Variants in RAD51B observed in about 807,000 individuals in gnomAD.
RAD51B encodes RAD51 paralog B, also known as DNA repair protein RAD51 homolog 2.
RAD51B carries 38 observed loss-of-function variants against 42.2 expected under a neutral mutation model. That is an observed-to-expected ratio of 0.90 (90% CI 0.70 to 1.18). The LOEUF (loss-of-function observed/expected upper bound fraction) is 1.18, where lower values mean the gene tolerates loss of function less well. Ranked by LOEUF, RAD51B falls within the 50% of genes most tolerant of loss-of-function variation. The pLI is 0.00. For synonymous variants in RAD51B, 154 were observed against 145.2 expected, an observed-to-expected ratio of 1.06 and a Z score of -0.43; for missense variants, 373 against 400.7, an observed-to-expected ratio of 0.93 and a Z score of 0.59.
intron 7 of RAD51B, among the ~76,000 whole-genome samples, chr14:68,150,132 A>G (rs1445501122): frequency 6.6e-6 from 1 of 152,150 alleles, no homozygotes; most frequent in African/African-American, 2.4e-5. Context: ...TTAACAAGAG[A>G]CAGGGTTTCA....
intron 10 of RAD51B, among the ~76,000 whole-genome samples, chr14:68,587,278 A>G (rs1890535448): frequency 6.6e-6 from 1 of 152,188 alleles, no homozygotes. Flanking sequence ...CCTGAGCTCC[A>G]GCCTCTCCCA....
intron 7 of RAD51B, among the ~76,000 whole-genome samples, chr14:68,104,795 C>G (rs1566648697): frequency 1.3e-5 from 2 of 152,074 alleles, no homozygotes; most frequent in Admixed American, 6.6e-5. Flanking sequence ...CTTGAGCTAC[C>G]TAATGAGATA....
intron 7 of RAD51B, among the ~76,000 whole-genome samples, chr14:67,985,924 TAAGA>T (rs1054808273): frequency 1.3e-5 from 2 of 151,764 alleles, no homozygotes; most frequent in African/African-American, 2.4e-5. Flanking sequence ...AAATAAATAA[TAAGA>T]AAGAAATAAA....
At chr14:68,448,584 C>T (rs930916203) in intron 9 of RAD51B, among the ~76,000 whole-genome samples, 1 of 152,168 alleles carries the variant, frequency 6.6e-6, no homozygotes, top group African/African-American at 2.4e-5. Context: ...ATAAATCATT[C>T]AGTTCTGAGT....
chr14:68,250,075 A>G (rs529200700), intron 7 of RAD51B, among the ~76,000 whole-genome samples: 1 of 152,322 alleles, frequency 6.6e-6, no homozygotes, highest in South Asian at 2.1e-4. Flanking sequence ...GCTTTAGTGA[A>G]TAAATGTGTT....
In RAD51B at chr14:68,218,389, T is replaced by G. The variant is rs1330668237; in HGVS notation, c.757-73495T>G. ...AGCAAGGCCAGATGCCTACTTTTTG[T>G]AAATATCATTGGCAGTTGGCAGTAC... On this transcript the variant is annotated intron_variant, in intron 7 of 10. Transcript: ENST00000471583. Among the ~76,000 whole-genome samples, 11 of 152,366 alleles carry G rather than the reference T, an allele frequency of 7.2e-5. No homozygotes were observed. The South Asian group carries it at 2.1e-3, about 29-fold the overall frequency.
At chr14:68,634,462 GA>G (rs1431180205) in intron 10 of RAD51B, among the ~76,000 whole-genome samples, 1 of 152,110 alleles carries the variant, frequency 6.6e-6, no homozygotes, top group Non-Finnish European at 1.5e-5. Context: ...GGGGAGGAGA[GA>G]ACGTGCTCAA....
intron 7 of RAD51B, among the ~76,000 whole-genome samples, chr14:68,246,307 A>T (rs1287401368): frequency 6.6e-6 from 1 of 152,174 alleles, no homozygotes; most frequent in Non-Finnish European, 1.5e-5. Flanking sequence ...AGCCTTGAAA[A>T]AAAAAAATCT....
intron 8 of RAD51B, among the ~76,000 whole-genome samples, chr14:68,292,526 G>A (rs1004898242): frequency 1.3e-5 from 2 of 152,204 alleles, no homozygotes; most frequent in Admixed American, 6.5e-5. Flanking sequence ...CGTAGCTGGG[G>A]AAATAACACC....
intron 3 of RAD51B, among the ~76,000 whole-genome samples, chr14:67,827,685 T>C (rs2040879723): frequency 6.6e-6 from 1 of 152,152 alleles, no homozygotes; most frequent in Non-Finnish European, 1.5e-5. Context: ...CGTGTGTCCA[T>C]GTGTCCATGT....
intron 11 of RAD51B, among the ~76,000 whole-genome samples, chr14:68,660,617 C>T (rs890859377): frequency 5.3e-5 from 8 of 152,200 alleles, no homozygotes; most frequent in African/African-American, 1.9e-4. Flanking sequence ...ACTGCTCCTG[C>T]CCTCAGGGAG....
chr14:68,671,373 C>T (rs1316166742), intron 11 of RAD51B, among the ~76,000 whole-genome samples: 1 of 152,192 alleles, frequency 6.6e-6, no homozygotes, highest in Non-Finnish European at 1.5e-5. Flanking sequence ...CCCTATCCTA[C>T]CACATCTCCA....
chr14:68,110,130 T>TCGCCGGGCGCGGTGGCTC (rs1243682230), intron 7 of RAD51B, among the ~76,000 whole-genome samples: 1 of 151,948 alleles, frequency 6.6e-6, no homozygotes, highest in Admixed American at 6.6e-5. Context: ...AATTGGAAAG[T>TCGCCGGGCGCGGTGGCTC]AAGTTTAACA....
At chr14:68,080,700 T>C (rs941765381) in intron 7 of RAD51B, among the ~76,000 whole-genome samples, 1 of 152,196 alleles carries the variant, frequency 6.6e-6, no homozygotes, top group Non-Finnish European at 1.5e-5. Flanking sequence ...TTCAGGAGCA[T>C]TAACTGAAAA....
At chr14:68,460,209 T>A (rs1190238413) in intron 9 of RAD51B, among the ~76,000 whole-genome samples, 1 of 151,930 alleles carries the variant, frequency 6.6e-6, no homozygotes, top group Non-Finnish European at 1.5e-5. Flanking sequence ...CCCAGCACTT[T>A]GGGAGGCTGA....
intron 10 of RAD51B, among the ~76,000 whole-genome samples, chr14:68,586,329 C>T (rs1289981857): frequency 6.6e-6 from 1 of 152,178 alleles, no homozygotes; most frequent in East Asian, 1.9e-4. Flanking sequence ...CCCTGCCTGA[C>T]CTAACCTTTC....
intron 9 of RAD51B, among the ~76,000 whole-genome samples, chr14:68,415,082 G>T (rs1302156371): frequency 6.8e-6 from 1 of 147,970 alleles, no homozygotes; most frequent in African/African-American, 2.5e-5. Flanking sequence ...AAACCTGGCT[G>T]CACTTAAGGC....
intron 7 of RAD51B, among the ~76,000 whole-genome samples, chr14:68,208,786 A>G (rs776340990): frequency 2.0e-4 from 31 of 152,292 alleles, no homozygotes; most frequent in African/African-American, 6.3e-4. Flanking sequence ...CAGCATCTCT[A>G]TTCAACAGTA....
chr14:67,837,346 G>T lies in RAD51B; in HGVS notation c.315+2150G>T, dbSNP rs375321821. Among the ~76,000 whole-genome samples, 22 of 151,966 alleles carry T rather than the reference G, an allele frequency of 1.4e-4. 1 individual carries two copies. The highest frequency in any genetic ancestry group is 5.3e-4 in the African/African-American group (22 of 41,280). On this transcript the variant is annotated intron_variant, in intron 4 of 10. Transcript: ENST00000471583. ...TAAATAGCAAAAACATTGAACTTAA[G>T]GAAGATTAACTGGGAAATTCTTTTT...
Sources: gnomAD v4.1 joint callset for allele counts (sites outside exome capture counted in the v4.1 genomes callset) on GRCh38, gnomAD v4.1.1 for gene constraint, MANE v1.5 for transcripts, NCBI Gene and HGNC (gene_info 2026-07-23, HGNC 2026-07-21) for gene names.